The following CSMD1 variants were observed in gnomAD, a reference collection of about 807,000 sequenced individuals.
The protein encoded by CSMD1 is CUB and Sushi multiple domains 1.
A neutral mutation model predicts 417.5 loss-of-function variants in CSMD1; 213 were observed. That is an observed-to-expected ratio of 0.51 (90% CI 0.46 to 0.57). CSMD1 has a LOEUF of 0.57. CSMD1 is among the 20% of genes least tolerant of loss of function. CSMD1 has a pLI of 0.00. For synonymous variants in CSMD1, 2,862 were observed against 1,736.8 expected (o/e 1.65, Z -16.11); for missense variants, 6,923 against 4,529.7 (o/e 1.53, Z -15.17).
chr8:4,228,730 C>T, intron 3 of CSMD1, among the ~76,000 whole-genome samples: 1 of 152,034 alleles, frequency 6.6e-6, no homozygotes, highest in Non-Finnish European at 1.5e-5. Flanking sequence ...GTCACCCAGG[C>T]TGGAGTGCAG....
chr8:4,052,441 AG>A (rs1179609722), intron 3 of CSMD1, among the ~76,000 whole-genome samples: 1 of 152,156 alleles, frequency 6.6e-6, no homozygotes, highest in African/African-American at 2.4e-5. Flanking sequence ...TCTTGTAGTG[AG>A]GGGTGATTTT....
At chr8:4,405,313 G>GT (rs1367608814) in intron 3 of CSMD1, among the ~76,000 whole-genome samples, 1 of 151,648 alleles carries the variant, frequency 6.6e-6, no homozygotes, top group Admixed American at 6.6e-5. Flanking sequence ...CTTCCACTTA[G>GT]TTTTTTTCTC....
intron 3 of CSMD1, among the ~76,000 whole-genome samples, chr8:4,049,855 A>T (rs532649140): frequency 6.6e-6 from 1 of 152,132 alleles, no homozygotes; most frequent in African/African-American, 2.4e-5. Context: ...ATTCTTCTTC[A>T]CTAAAGTCTT....
chr8:4,236,039 GTTTTTT>G (rs869245155), intron 3 of CSMD1, among the ~76,000 whole-genome samples: 8 of 31,682 alleles, frequency 2.5e-4, no homozygotes, highest in African/African-American at 5.5e-4. Context: ...TTTTTTGTTT[GTTTTTT>G]TTTTTTTTTT....
chr8:4,581,594 A>C (rs1799420527), intron 2 of CSMD1, among the ~76,000 whole-genome samples: 1 of 152,250 alleles, frequency 6.6e-6, no homozygotes, highest in African/African-American at 2.4e-5. Flanking sequence ...GACACATTTT[A>C]GAAGAGACTA....
intron 26 of CSMD1, among the ~76,000 whole-genome samples, chr8:3,242,999 C>G (rs550642759): frequency 6.6e-6 from 1 of 152,082 alleles, no homozygotes; most frequent in Non-Finnish European, 1.5e-5. Flanking sequence ...AGTCCGTGAC[C>G]AGCGCCGGAG....
chr8:4,412,380 C>T (rs866083043), intron 3 of CSMD1, among the ~76,000 whole-genome samples: 42 of 152,114 alleles, frequency 2.8e-4, no homozygotes, highest in Admixed American at 2.0e-4. Flanking sequence ...CCCTTGCTTC[C>T]GCATTTGCCA....
chr8:3,874,339 G>A (rs572008017), intron 5 of CSMD1, among the ~76,000 whole-genome samples: 3 of 152,198 alleles, frequency 2.0e-5, no homozygotes, highest in Non-Finnish European at 4.4e-5. Flanking sequence ...TCTAAAGTGA[G>A]GTTTTGAAAA....
At chr8:4,915,379 G>C (rs556877406) in intron 1 of CSMD1, among the ~76,000 whole-genome samples, 9 of 152,192 alleles carry the variant, frequency 5.9e-5, no homozygotes, top group Admixed American at 1.3e-4. Flanking sequence ...GACAATCGTA[G>C]ATTCTGATCC....
chr8:3,663,718 CCTTTG>C (rs1419626750), intron 7 of CSMD1, among the ~76,000 whole-genome samples: 1 of 152,152 alleles, frequency 6.6e-6, no homozygotes, highest in Non-Finnish European at 1.5e-5. Flanking sequence ...GTTCTGCCCG[CCTTTG>C]CTTTGAGTTG....
intron 41 of CSMD1, among the ~76,000 whole-genome samples, chr8:3,125,694 A>T (rs1054484759): frequency 8.5e-5 from 13 of 152,184 alleles, no homozygotes; most frequent in African/African-American, 3.1e-4. Context: ...AGTTGAATTA[A>T]GGCCAGGTGC....
At chr8:3,926,067 CACACACAA>C (rs1809661224) in intron 5 of CSMD1, among the ~76,000 whole-genome samples, 1 of 135,238 alleles carries the variant, frequency 7.4e-6, no homozygotes. Context: ...CACACACACA[CACACACAA>C]ACACCATACA....
At position 4,322,249 on chromosome 8, in the gene CSMD1, T is replaced by C. The variant is rs139895325; in HGVS notation, c.415+97704A>G. On this transcript the variant is annotated intron_variant, in intron 3 of 69. Coordinates refer to ENST00000635120, the MANE Select transcript of CSMD1 (RefSeq NM_033225.6). The stretch of plus-strand genomic sequence containing the variant: ...CATGTAATTTTATTTGAAAACATAC[T>C]GTATTTAAAATAGTTTAAACATAAG... 8.5e-4 allele frequency among the ~76,000 whole-genome samples: 130 copies of C among 152,350 alleles called. No homozygotes were observed. The East Asian group carries it at 0.023, about 27-fold the overall frequency.
intron 6 of CSMD1, among the ~76,000 whole-genome samples, chr8:3,746,030 A>G (rs1386608818): frequency 1.3e-5 from 2 of 152,194 alleles, no homozygotes; most frequent in Non-Finnish European, 2.9e-5. Context: ...AATCATGCTT[A>G]CCGTTCCAAA....
chr8:4,290,152 C>G (rs112351787), intron 3 of CSMD1, among the ~76,000 whole-genome samples: 130 of 152,270 alleles, frequency 8.5e-4, no homozygotes, highest in African/African-American at 3.0e-3. Context: ...TGAGGAAATG[C>G]TTCCCAGGTA....
chr8:3,438,760 C>G (rs541894654), intron 12 of CSMD1, among the ~76,000 whole-genome samples: 3 of 152,224 alleles, frequency 2.0e-5, no homozygotes, highest in Admixed American at 2.0e-4. Context: ...CTTCACTTCT[C>G]TGAGATAAAT....
Position 3,237,875 on chromosome 8 carries a change from A to T in CSMD1, c.4154-7644T>A. On this transcript the variant is annotated intron_variant, in intron 26 of 69. Coordinates refer to ENST00000635120, the MANE Select transcript of CSMD1 (RefSeq NM_033225.6). ...TACTATAAATATAATTTTTATAATTATACTATAAATATAATTTTTATAATT... is the reference window on the plus strand; with the variant it reads ...TACTATAAATATAATTTTTATAATTTTACTATAAATATAATTTTTATAATT... Among the ~76,000 whole-genome samples the T allele has an allele frequency of 1.5e-5, 2 of 135,506 alleles. 1 individual carries two copies. Among genetic ancestry groups the T allele is most frequent in the Non-Finnish European group, 3.2e-5 (2 of 63,022 alleles). The allele number at this position is 135,506 out of a possible 152,430, so 88.9% of individuals were successfully genotyped here. A position where few individuals can be genotyped will look rare whatever the true frequency, so the allele number is the denominator to read the frequency against.
At chr8:3,487,300 C>A (rs1818102601) in intron 11 of CSMD1, among the ~76,000 whole-genome samples, 2 of 152,154 alleles carry the variant, frequency 1.3e-5, no homozygotes, top group Non-Finnish European at 1.5e-5. Context: ...CTCCTGGGTT[C>A]ACGCCATTCT....
At chr8:4,509,389 T>G (rs960113218) in intron 2 of CSMD1, among the ~76,000 whole-genome samples, 2 of 152,170 alleles carry the variant, frequency 1.3e-5, no homozygotes, top group African/African-American at 4.8e-5. Context: ...CATTTTTAGC[T>G]GCTTCAAAGG....
Sources: allele counts gnomAD v4.1 joint callset (sites outside exome capture counted in the v4.1 genomes callset), GRCh38; gene constraint gnomAD v4.1.1; transcripts MANE v1.5; gene names NCBI Gene and HGNC (gene_info 2026-07-23, HGNC 2026-07-21).